GEMIN5: variants seen among roughly 807,000 people sequenced by gnomAD.
GEMIN5 encodes gem nuclear organelle associated protein 5.
A neutral mutation model predicts 176.9 loss-of-function variants in GEMIN5; 124 were observed. The observed-to-expected ratio is 0.70, with a 90% CI of 0.61 to 0.81. The LOEUF is 0.81. Among genes scored for constraint, GEMIN5 ranks in the 40% least tolerant of loss-of-function variants. GEMIN5 has a pLI of 0.00. For synonymous variants in GEMIN5, 673 were observed against 665.2 expected, an observed-to-expected ratio of 1.01 and a Z score of -0.18; for missense variants, 1,843 against 1,814.6, an observed-to-expected ratio of 1.02 and a Z score of -0.28.
At chr5:154,922,238 G>A (rs1350457938) in intron 9 of GEMIN5, among the ~76,000 whole-genome samples, 2 of 152,092 alleles carry the variant, frequency 1.3e-5, no homozygotes, top group Admixed American at 6.5e-5. Context: ...TGCAATCTCC[G>A]CTCACTGCAA....
chr5:154,895,086 A>G (rs766574241), intron 24 of GEMIN5, among the ~76,000 whole-genome samples: 3 of 152,034 alleles, frequency 2.0e-5, no homozygotes, highest in African/African-American at 2.4e-5. Context: ...CCTCAAAAAG[A>G]AAGAAAAGAA....
chr5:154,903,630 A>T (rs1406941233), intron 18 of GEMIN5, among the ~76,000 whole-genome samples: 1 of 152,174 alleles, frequency 6.6e-6, no homozygotes, highest in East Asian at 1.9e-4. Flanking sequence ...AAGACACAAG[A>T]AACTGATAAT....
At chr5:154,929,178 C>T (rs1358829430) in intron 5 of GEMIN5, among the ~76,000 whole-genome samples, 1 of 152,126 alleles carries the variant, frequency 6.6e-6, no homozygotes, top group Non-Finnish European at 1.5e-5. Flanking sequence ...GAGCTGAGAT[C>T]GTGCCACTGC....
chr5:154,931,318 A>T, intron 5 of GEMIN5, 140 bp downstream of exon 5: 1 of 748,198 alleles, frequency 1.3e-6, no homozygotes, highest in Non-Finnish European at 2.1e-6. Context: ...CCAGGCTCAA[A>T]TGAGGAAGCA....
At chr5:154,924,616 C>A in intron 8 of GEMIN5, 62 bp from the exon 9 acceptor site, 1 of 947,738 alleles carries the variant, frequency 1.1e-6, no homozygotes, top group South Asian at 1.4e-5. Context: ...TAAAGGAATC[C>A]TTACATTACC....
intron 3 of GEMIN5, among the ~76,000 whole-genome samples, chr5:154,934,056 C>T (rs1312786641): frequency 2.3e-4 from 35 of 152,138 alleles, no homozygotes; most frequent in Non-Finnish European, 2.9e-5. Flanking sequence ...TGCTCTGTCG[C>T]TCAGGCTGGA....
rs112206460 is a variant in GEMIN5 at position 154,921,663 on chromosome 5, A to T, written c.1380-238T>A. Among the ~76,000 whole-genome samples, 132 of 152,296 alleles carry T rather than the reference A, an allele frequency of 8.7e-4. 2 individuals carry two copies. The highest frequency in any genetic ancestry group is 3.1e-3 in the African/African-American group (128 of 41,568). On this transcript the variant is annotated intron_variant, in intron 9 of 27. Transcript: ENST00000285873. ...AATGACATTTACTACCAAAACGATT[A>T]AGTCCCAAACATATTTTACCCCCCA...
At position 154,892,402 on chromosome 5, in the gene GEMIN5, C is replaced by G; in HGVS notation, c.3745G>C (p.Ala1249Pro). Residue 1249 changes from alanine (A) to proline (P), a missense_variant, in exon 25 of 28, where the codon GCC (alanine) becomes CCC (proline). By Grantham distance (27) the Ala-to-Pro change is conservative. Coordinates refer to ENST00000285873, the MANE Select transcript of GEMIN5 (RefSeq NM_015465.5). The stretch of plus-strand genomic sequence containing the variant: ...AGTCACTTACCGTCAGGGAGAAAGG[C>G]TGAGTACACTTCCTGCATGATGGTG... Reference protein sequence around the residue: ...SFTIMQEVYSAFLPDGCDHLR... With the variant: ...SFTIMQEVYSPFLPDGCDHLR... 1 of 1,613,932 alleles carries G rather than the reference C, an allele frequency of 6.2e-7. No individual in the cohort carries two copies. Among genetic ancestry groups the G allele is most frequent in the Non-Finnish European group, 8.5e-7 (1 of 1,179,894 alleles).
intron 10 of GEMIN5, among the ~76,000 whole-genome samples, chr5:154,920,688 T>C (rs1217688485): frequency 3.3e-5 from 5 of 152,234 alleles, no homozygotes; most frequent in Non-Finnish European, 5.9e-5. Context: ...ATTCCAATGC[T>C]ACTTGAGTTC....
chr5:154,899,352 C>G, intron 21 of GEMIN5, 42 bp from the exon 22 acceptor site: 1 of 1,569,108 alleles, frequency 6.4e-7, no homozygotes, highest in Non-Finnish European at 8.7e-7. Context: ...TGAAAAGGCT[C>G]CTCTGTGTAT....
At chr5:154,896,663 T>C (rs1055278147) in intron 23 of GEMIN5, among the ~76,000 whole-genome samples, 5 of 152,148 alleles carry the variant, frequency 3.3e-5, no homozygotes, top group Admixed American at 2.6e-4. Flanking sequence ...TGTAGCCTAG[T>C]TTGAGGAAAA....
intron 9 of GEMIN5, 75 bp from the exon 10 acceptor site, chr5:154,921,500 C>T: frequency 1.4e-6 from 1 of 710,620 alleles, no homozygotes; most frequent in Non-Finnish European, 2.5e-6. Context: ...CCATCTTTTT[C>T]TAAAAGGTCC....
At chr5:154,894,195 T>C (rs771736473) in intron 24 of GEMIN5, among the ~76,000 whole-genome samples, 2 of 152,148 alleles carry the variant, frequency 1.3e-5, no homozygotes, top group East Asian at 1.9e-4. Flanking sequence ...TCCACCCGCG[T>C]TGGCCTCCCA....
At chr5:154,929,810 T>G (rs1464561505) in intron 5 of GEMIN5, among the ~76,000 whole-genome samples, 1 of 152,256 alleles carries the variant, frequency 6.6e-6, no homozygotes, top group Non-Finnish European at 1.5e-5. Flanking sequence ...TGGATGACAT[T>G]CCAAGTGCTG....
chr5:154,928,247 G>A (rs1764086248), intron 6 of GEMIN5, among the ~76,000 whole-genome samples: 2 of 152,194 alleles, frequency 1.3e-5, no homozygotes, highest in Non-Finnish European at 2.9e-5. Context: ...GCTCAGAAAA[G>A]TAAAGGGTCT....
chr5:154,905,769 G>A (rs942576139), intron 16 of GEMIN5, among the ~76,000 whole-genome samples: 7 of 146,624 alleles, frequency 4.8e-5, no homozygotes, highest in Non-Finnish European at 1.0e-4. Context: ...GCGCAATCTT[G>A]GCTTACTGCA....
At chr5:154,889,484 AT>A in intron 26 of GEMIN5, 67 bp from the exon 27 acceptor site, 1 of 838,338 alleles carries the variant, frequency 1.2e-6, no homozygotes, top group Non-Finnish European at 2.0e-6. Flanking sequence ...TCCCATTGTT[AT>A]TTTACTGTGG....
At chr5:154,920,954 G>T (rs1763909055) in intron 10 of GEMIN5, among the ~76,000 whole-genome samples, 1 of 152,086 alleles carries the variant, frequency 6.6e-6, no homozygotes, top group Admixed American at 6.6e-5. Flanking sequence ...TTTTCCTGTG[G>T]GTGAAAATAG....
intron 3 of GEMIN5, among the ~76,000 whole-genome samples, chr5:154,933,209 C>T (rs770761261): frequency 6.6e-6 from 1 of 152,204 alleles, no homozygotes; most frequent in Non-Finnish European, 1.5e-5. Context: ...AGAGGTCAAA[C>T]TCTATTTGTG....
Sources: allele counts gnomAD v4.1 joint callset (sites outside exome capture counted in the v4.1 genomes callset), GRCh38; gene constraint gnomAD v4.1.1; transcripts MANE v1.5; gene names NCBI Gene and HGNC (gene_info 2026-07-23, HGNC 2026-07-21).